RPS6KA5: variants seen among roughly 807,000 people sequenced by gnomAD.
RPS6KA5 encodes ribosomal protein S6 kinase alpha-5.
In RPS6KA5, 27 loss-of-function variants were observed where a neutral mutation model predicts 85.5. The observed-to-expected ratio is 0.32, with a 90% CI of 0.23 to 0.44. The LOEUF is 0.44. Ranked by LOEUF, RPS6KA5 falls within the 20% of genes least tolerant of loss-of-function variation. The pLI, the probability that RPS6KA5 is intolerant of heterozygous loss-of-function variation, is 1.00. For synonymous variants in RPS6KA5, 334 were observed against 348.2 expected (o/e 0.96, Z 0.46); for missense variants, 811 against 980.9 (o/e 0.83, Z 2.31).
At chr14:90,948,423 G>A (rs1470109966) in intron 3 of RPS6KA5, among the ~76,000 whole-genome samples, 7 of 152,276 alleles carry the variant, frequency 4.6e-5, no homozygotes, top group East Asian at 1.9e-4. Flanking sequence ...TGAGCCGGGC[G>A]CAGTGGCTCA....
At chr14:91,016,770 T>C (rs1368870473) in intron 1 of RPS6KA5, among the ~76,000 whole-genome samples, 1 of 151,610 alleles carries the variant, frequency 6.6e-6, no homozygotes, top group Admixed American at 6.6e-5. Context: ...ACCAATAGTT[T>C]GGTTGGATGG....
rs556512969 is a variant in RPS6KA5, at chr14:91,043,900, T to A, written c.103+16432A>T. Among the ~76,000 whole-genome samples the A allele has an allele frequency of 5.3e-5, 8 of 152,298 alleles. No homozygotes were observed. The East Asian group carries it at 1.5e-3, about 29-fold the overall frequency. On this transcript the variant is annotated intron_variant, in intron 1 of 16. Transcript: ENST00000614987. Reference sequence around the variant, plus strand: ...TAAAGGGATTTTGCAGATGTAATTATGGTCCTAAATCAACTGACCTTACGA... The same window carrying A: ...TAAAGGGATTTTGCAGATGTAATTAAGGTCCTAAATCAACTGACCTTACGA...
At chr14:90,979,125 T>C (rs1036041520) in intron 2 of RPS6KA5, among the ~76,000 whole-genome samples, 12 of 152,250 alleles carry the variant, frequency 7.9e-5, no homozygotes, top group African/African-American at 2.7e-4. Context: ...TACAGCTTAC[T>C]AGGTCAACCT....
At position 91,020,716 on chromosome 14, in the gene RPS6KA5, T is replaced by C. The variant is rs567789992; in HGVS notation, c.104-19557A>G. Among the ~76,000 whole-genome samples the C allele has an allele frequency of 2.0e-5, 3 of 152,026 alleles. No homozygotes were observed. The East Asian group carries it at 5.8e-4, about 29-fold the overall frequency. Reference sequence around the variant, plus strand: ...GTCTCTGGAGAAGCCTAATACATTATTACAGCACTTTTTCCTTGAGTATAA... The same window carrying C: ...GTCTCTGGAGAAGCCTAATACATTACTACAGCACTTTTTCCTTGAGTATAA... On this transcript the variant is annotated intron_variant, in intron 1 of 16. Transcript: ENST00000614987.
chr14:90,926,314 C>T (rs1379843065), intron 5 of RPS6KA5, among the ~76,000 whole-genome samples: 1 of 151,150 alleles, frequency 6.6e-6, no homozygotes, highest in African/African-American at 2.4e-5. Flanking sequence ...CTGCTTGAAC[C>T]TGGGAGGTGG....
At position 90,900,246 on chromosome 14, in the gene RPS6KA5, C is replaced by A; in HGVS notation, c.1246-5G>T. The A allele has an allele frequency of 1.3e-6, 2 of 1,545,166 alleles. No homozygotes were observed. The highest frequency in any genetic ancestry group is 2.7e-5 in the South Asian group (2 of 75,346). On this transcript the variant is annotated splice_polypyrimidine_tract_variant and splice_region_variant and intron_variant, in intron 10 of 16. Transcript: ENST00000614987. Reference sequence around the variant, plus strand: ...GTGTTGATAGAATGGAGAGTCCTGTCAAGAAATCAACATCATTTAACTTCA... The same window carrying A: ...GTGTTGATAGAATGGAGAGTCCTGTAAAGAAATCAACATCATTTAACTTCA...
intron 1 of RPS6KA5, among the ~76,000 whole-genome samples, chr14:91,032,417 T>G (rs1049398890): frequency 6.6e-6 from 1 of 152,144 alleles, no homozygotes; most frequent in Non-Finnish European, 1.5e-5. Flanking sequence ...TACTTGCAGC[T>G]AAACACGCAC....
rs1044874241 is a variant in RPS6KA5 at position 90,866,777 on chromosome 14, T to C, written c.*5297A>G. ...CTTCTTCTTTTCAAAAATTCATGCC[T>C]GTGAAGTTTTTAGGAATATTTTTCA... On this transcript the variant is annotated 3_prime_UTR_variant, in exon 17 of 17. Coordinates refer to ENST00000614987, the MANE Select transcript of RPS6KA5 (RefSeq NM_004755.4). The C allele has an allele frequency of 1.1e-4, 17 of 152,226 alleles. No individual in the cohort carries two copies. The highest frequency in any genetic ancestry group is 3.1e-4 in the African/African-American group (13 of 41,458). The allele number at this position is 152,226 out of a possible 1,614,324, so 9.4% of individuals were successfully genotyped here. A position where few individuals can be genotyped will look rare whatever the true frequency, so the allele number is the denominator to read the frequency against.
At chr14:91,043,973 T>C (rs2042700729) in intron 1 of RPS6KA5, among the ~76,000 whole-genome samples, 2 of 152,142 alleles carry the variant, frequency 1.3e-5, no homozygotes, top group African/African-American at 2.4e-5. Context: ...ACGCCTGTAA[T>C]ACCAGCACTT....
At chr14:91,039,312 T>C (rs1418574421) in intron 1 of RPS6KA5, among the ~76,000 whole-genome samples, 1 of 152,112 alleles carries the variant, frequency 6.6e-6, no homozygotes, top group African/African-American at 2.4e-5. Context: ...TGGTAGATAA[T>C]AAATGTCTTA....
At chr14:90,983,837 C>CTCTCTCTT (rs1555372472) in intron 2 of RPS6KA5, among the ~76,000 whole-genome samples, 161 of 137,866 alleles carry the variant, frequency 1.2e-3, no homozygotes, top group Admixed American at 4.7e-3. Context: ...CTCTCTCTCT[C>CTCTCTCTT]TCTTTCTTTT....
rs941846 is a variant in RPS6KA5 at position 90,974,142 on chromosome 14, T to G, written c.394+4164A>C. Among the ~76,000 whole-genome samples, 1,313 of 152,058 alleles carry G rather than the reference T, an allele frequency of 8.6e-3. 18 individuals are homozygous for G. The highest frequency in any genetic ancestry group is 0.031 in the African/African-American group (1,272 of 41,480). ...TGATGAAGGGATCAGGCTGTCACTA[T>G]GTAATCTAATCTTAGAATCACTAAT... is the stretch of plus-strand genomic sequence containing the variant. On this transcript the variant is annotated intron_variant, in intron 3 of 16. Transcript: ENST00000614987.
At chr14:91,004,124 C>T (rs985668576) in intron 1 of RPS6KA5, among the ~76,000 whole-genome samples, 1 of 152,134 alleles carries the variant, frequency 6.6e-6, no homozygotes, top group Non-Finnish European at 1.5e-5. Context: ...TTCGCTCTGT[C>T]GCCCAGGCTG....
chr14:91,060,221 C>T, intron 1 of RPS6KA5, 111 bp downstream of exon 1: 1 of 963,320 alleles, frequency 1.0e-6, no homozygotes, highest in Non-Finnish European at 1.2e-6. Flanking sequence ...CCAGGCCCGC[C>T]CCTCCGCGCC....
In RPS6KA5 at chr14:90,899,337, G is replaced by A. The variant is rs750549414; in HGVS notation, c.1465C>T (p.His489Tyr). 4.5e-6 allele frequency: 7 copies of A among 1,556,914 alleles called. No individual in the cohort carries two copies. In the East Asian group the frequency reaches 1.6e-4, roughly 35 times the overall value. ...AAAAAAAAGTAGGATACCTGATCAT[G>A]AAAAACTTCATGCAACTTCACAATA... is the stretch of plus-strand genomic sequence containing the variant. Reference protein sequence around the residue: ...PNIVKLHEVFHDQLHTFLVME... With the variant: ...PNIVKLHEVFYDQLHTFLVME... Residue 489 changes from histidine to tyrosine, a missense_variant, in exon 12 of 17, where the codon CAT becomes TAT. Around this residue, in one of 3 missense-constraint regions of RPS6KA5, gnomAD observed 650 missense variants for 793.4 expected, o/e 0.82. Coordinates refer to ENST00000614987, the MANE Select transcript of RPS6KA5 (RefSeq NM_004755.4).
chr14:90,923,916 A>G (rs75739129), intron 5 of RPS6KA5, among the ~76,000 whole-genome samples: 3,175 of 152,224 alleles, frequency 0.021, 47 homozygotes, highest in Middle Eastern at 0.034. Context: ...CAATTATGCA[A>G]TTACGTAGCT....
chr14:90,947,837 A>G (rs1024741765), intron 3 of RPS6KA5, among the ~76,000 whole-genome samples: 2 of 152,244 alleles, frequency 1.3e-5, no homozygotes, highest in Non-Finnish European at 2.9e-5. Flanking sequence ...AATACAGCAT[A>G]TCAGAAACCT....
At chr14:91,054,907 A>T (rs2043251110) in intron 1 of RPS6KA5, among the ~76,000 whole-genome samples, 1 of 152,176 alleles carries the variant, frequency 6.6e-6, no homozygotes, top group South Asian at 2.1e-4. Context: ...TATTCCTGAT[A>T]AGAGACATGT....
intron 7 of RPS6KA5, among the ~76,000 whole-genome samples, chr14:90,915,529 C>A (rs542010110): frequency 6.6e-6 from 1 of 152,178 alleles, no homozygotes; most frequent in East Asian, 1.9e-4. Context: ...TAATGGAAGC[C>A]AGGCGCAGTG....
Sources: allele counts gnomAD v4.1 joint callset (sites outside exome capture counted in the v4.1 genomes callset), GRCh38; gene constraint gnomAD v4.1.1; regional missense constraint gnomAD v4.1.1; transcripts MANE v1.5; gene names NCBI Gene and HGNC (gene_info 2026-07-23, HGNC 2026-07-21).